Variants in EEFSEC observed in about 807,000 individuals in gnomAD.
EEFSEC encodes selenocysteine-specific elongation factor.
EEFSEC carries 43 observed loss-of-function variants against 42.1 expected under a neutral mutation model. The observed-to-expected ratio is 1.02, with a 90% CI of 0.80 to 1.32. The LOEUF is 1.32. Ranked by LOEUF, EEFSEC falls within the 40% of genes most tolerant of loss-of-function variation. The probability of loss-of-function intolerance (pLI) is 0.00; values close to 1 mark genes in which losing one functional copy is unlikely to be tolerated. For synonymous variants in EEFSEC, 354 were observed against 339.1 expected (o/e 1.04, Z -0.48); for missense variants, 745 against 803.6 (o/e 0.93, Z 0.88).
At chr3:128,275,876 A>G (rs775863127) in intron 4 of EEFSEC, among the ~76,000 whole-genome samples, 2 of 152,216 alleles carry the variant, frequency 1.3e-5, no homozygotes, top group Non-Finnish European at 2.9e-5. Flanking sequence ...GGCCGAGTCT[A>G]GAAGATGTTC....
intron 6 of EEFSEC, among the ~76,000 whole-genome samples, chr3:128,389,189 G>A (rs1190878287): frequency 6.6e-6 from 1 of 152,250 alleles, no homozygotes; most frequent in Non-Finnish European, 1.5e-5. Flanking sequence ...AGCTAAGGAG[G>A]GAGCGCAGAC....
the EEFSEC span, among the ~76,000 whole-genome samples, chr3:128,421,461 G>A: frequency 6.6e-6 from 1 of 151,244 alleles, no homozygotes; most frequent in East Asian, 1.9e-4. Context: ...ACCGGGATTT[G>A]GGCTCTGGGC....
At chr3:128,380,952 A>T (rs1253393603) in intron 6 of EEFSEC, among the ~76,000 whole-genome samples, 2 of 152,192 alleles carry the variant, frequency 1.3e-5, no homozygotes, top group African/African-American at 4.8e-5. Flanking sequence ...CAGCCATCTG[A>T]TAATCAGAGC....
At chr3:128,337,999 C>T (rs1485275601) in intron 4 of EEFSEC, among the ~76,000 whole-genome samples, 1 of 152,168 alleles carries the variant, frequency 6.6e-6, no homozygotes, top group Non-Finnish European at 1.5e-5. Context: ...CAGCAAAGAA[C>T]TGGAAACACC....
intron 4 of EEFSEC, among the ~76,000 whole-genome samples, chr3:128,297,210 G>A (rs1461352599): frequency 6.6e-6 from 1 of 151,972 alleles, no homozygotes; most frequent in African/African-American, 2.4e-5. Context: ...CCAACTGAAG[G>A]CCCCGGTCCC....
At chr3:128,421,490 C>T in the EEFSEC span, among the ~76,000 whole-genome samples, 1 of 152,192 alleles carries the variant, frequency 6.6e-6, no homozygotes, top group Admixed American at 6.5e-5. Context: ...GTCTCCGGGA[C>T]CTGACTCTGG....
At chr3:128,375,272 G>A in intron 6 of EEFSEC, among the ~76,000 whole-genome samples, 1 of 152,196 alleles carries the variant, frequency 6.6e-6, no homozygotes, top group East Asian at 1.9e-4. Flanking sequence ...GAGGATTTGT[G>A]TCTGTCTGGG....
intron 1 of EEFSEC, among the ~76,000 whole-genome samples, chr3:128,160,547 G>T (rs1167435509): frequency 6.6e-6 from 1 of 152,148 alleles, no homozygotes; most frequent in Non-Finnish European, 1.5e-5. Context: ...ATAGAAAGTT[G>T]CAGGATTGCT....
At chr3:128,239,218 G>T (rs1378047170) in intron 1 of EEFSEC, among the ~76,000 whole-genome samples, 4 of 152,192 alleles carry the variant, frequency 2.6e-5, no homozygotes, top group Non-Finnish European at 4.4e-5. Flanking sequence ...GTTTGTATTC[G>T]CTCCATGCTG....
At chr3:128,154,267 T>C (rs1944326899) in intron 1 of EEFSEC, among the ~76,000 whole-genome samples, 1 of 152,000 alleles carries the variant, frequency 6.6e-6, no homozygotes, top group East Asian at 1.9e-4. Flanking sequence ...TCAGAAAGGC[T>C]CCACGTCAAT....
At chr3:128,199,188 A>T (rs1441766923) in intron 1 of EEFSEC, among the ~76,000 whole-genome samples, 1 of 152,030 alleles carries the variant, frequency 6.6e-6, no homozygotes, top group Non-Finnish European at 1.5e-5. Flanking sequence ...ATGTCAACAC[A>T]CCCTGTTTGT....
intron 6 of EEFSEC, chr3:128,367,929 A>ATGGT: frequency 1.2e-6 from 1 of 847,792 alleles, no homozygotes; most frequent in Non-Finnish European, 1.4e-6. Context: ...CACTTGCCTA[A>ATGGT]TGGTTCTTCC....
intron 4 of EEFSEC, among the ~76,000 whole-genome samples, chr3:128,277,103 C>T (rs2066476681): frequency 6.6e-6 from 1 of 152,230 alleles, no homozygotes; most frequent in Non-Finnish European, 1.5e-5. Flanking sequence ...ACCACACCTG[C>T]AGTCTGTGTC....
intron 1 of EEFSEC, among the ~76,000 whole-genome samples, chr3:128,165,408 A>G (rs1217971669): frequency 6.6e-6 from 1 of 152,136 alleles, no homozygotes; most frequent in African/African-American, 2.4e-5. Flanking sequence ...CGATTATTTG[A>G]GTTTTTGTCT....
At chr3:128,272,934 G>T (rs2066429656) in intron 4 of EEFSEC, among the ~76,000 whole-genome samples, 1 of 152,184 alleles carries the variant, frequency 6.6e-6, no homozygotes, top group Admixed American at 6.5e-5. Flanking sequence ...CACAGCTCAG[G>T]TGCTGGACAC....
At chr3:128,417,162 C>A in the EEFSEC span, among the ~76,000 whole-genome samples, 1 of 152,158 alleles carries the variant, frequency 6.6e-6, no homozygotes, top group East Asian at 1.9e-4. This position sits in a 1 kb window ranked among gnomAD's most constrained non-coding sequence, Gnocchi z 4.3. Flanking sequence ...CCTGCTCTGC[C>A]GGCTGCAGCC....
At chr3:128,340,521 TCACTGTATTTCTTCCC>T (rs1169346777) in intron 4 of EEFSEC, among the ~76,000 whole-genome samples, 1 of 152,198 alleles carries the variant, frequency 6.6e-6, no homozygotes, top group East Asian at 1.9e-4. Context: ...GAAACAGAGG[TCACTGTATTTCTTCCC>T]CTAGAACAGT....
At chr3:128,319,548 G>T (rs932493734) in intron 4 of EEFSEC, among the ~76,000 whole-genome samples, 1 of 152,192 alleles carries the variant, frequency 6.6e-6, no homozygotes, top group Non-Finnish European at 1.5e-5. Context: ...TTTGCACAAA[G>T]CGTATGCCCT....
intron 1 of EEFSEC, among the ~76,000 whole-genome samples, chr3:128,226,539 C>T (rs1361667393): frequency 6.6e-6 from 1 of 152,212 alleles, no homozygotes; most frequent in Non-Finnish European, 1.5e-5. Flanking sequence ...TCCGTAGCCC[C>T]CTGCTGTGTC....
Sources: allele counts gnomAD v4.1 joint callset (sites outside exome capture counted in the v4.1 genomes callset), GRCh38; gene constraint gnomAD v4.1.1; non-coding constraint Gnocchi (gnomAD v3.1); transcripts MANE v1.5; gene names NCBI Gene and HGNC (gene_info 2026-07-23, HGNC 2026-07-21).